Variants in CFAP58 observed in about 807,000 individuals in gnomAD.
CFAP58 encodes cilia and flagella associated protein 58.
In CFAP58, 88 loss-of-function variants were observed where a neutral mutation model predicts 119.5. The ratio of observed to expected loss-of-function variants is 0.74; its 90% CI spans 0.62 to 0.88. The LOEUF is 0.88. CFAP58 is among the 40% of genes least tolerant of loss of function. The probability of loss-of-function intolerance (pLI) is 0.00; values close to 1 mark genes in which losing one functional copy is unlikely to be tolerated. For missense variants in CFAP58, 990 were observed against 1,021.2 expected (o/e 0.97, Z 0.42); for synonymous variants, 365 against 366.3 (o/e 1.00, Z 0.04).
chr10:104,347,161 C>T, the CFAP58 span, among the ~76,000 whole-genome samples: 101 of 152,162 alleles, frequency 6.6e-4, 2 homozygotes, highest in South Asian at 0.018. Context: ...AGTTATGACA[C>T]TGCTGTCTCC....
chr10:104,400,680 G>T lies in CFAP58; in HGVS notation c.1816G>T (p.Val606Phe). Reference protein sequence around the residue: ...RLRQKKELDQVISERDILGSQ... With the variant: ...RLRQKKELDQFISERDILGSQ... Reference sequence around the variant, plus strand: ...ACTATGCCCCTCCCTACCTTCCTAGGTCATCAGTGAGAGAGATATCCTGGG... The same window carrying T: ...ACTATGCCCCTCCCTACCTTCCTAGTTCATCAGTGAGAGAGATATCCTGGG... The change falls in exon 13 of 18, where the codon GTC (valine) becomes TTC (phenylalanine). Residue 606 changes from valine to phenylalanine, a missense_variant and splice_region_variant. By Grantham distance (50) the Val-to-Phe change is conservative (BLOSUM62 -1). Transcript: ENST00000369704. 6.2e-7 allele frequency: 1 copy of T among 1,613,312 alleles called. No individual in the cohort carries two copies. Among genetic ancestry groups the T allele is most frequent in the Non-Finnish European group, 8.5e-7 (1 of 1,179,774 alleles).
At chr10:104,390,988 A>T (rs72825884) in intron 9 of CFAP58, among the ~76,000 whole-genome samples, 279 of 152,362 alleles carry the variant, frequency 1.8e-3, no homozygotes, top group South Asian at 5.4e-3. Context: ...AAAGGTGCTT[A>T]TTTAAATATA....
chr10:104,370,252 CTTATT>C (rs2014804552), intron 6 of CFAP58, among the ~76,000 whole-genome samples: 1 of 152,194 alleles, frequency 6.6e-6, no homozygotes, highest in Non-Finnish European at 1.5e-5. Context: ...GCATTCTTAT[CTTATT>C]TGATTCTACA....
chr10:104,375,957 G>C (rs1048417113), intron 7 of CFAP58, among the ~76,000 whole-genome samples: 3 of 152,128 alleles, frequency 2.0e-5, no homozygotes, highest in Non-Finnish European at 4.4e-5. Flanking sequence ...GCAGACTTCA[G>C]GGACAGCAGG....
intron 8 of CFAP58, among the ~76,000 whole-genome samples, chr10:104,379,561 T>C (rs1383642782): frequency 2.0e-5 from 3 of 152,216 alleles, no homozygotes; most frequent in Admixed American, 2.0e-4. Context: ...ATCTGCATTT[T>C]TATTAAGCTG....
In CFAP58 at chr10:104,364,945, T is replaced by G. The variant is rs2014722763; in HGVS notation, c.597+56T>G. ...TTTCCTTCCAGAGGATGTTTGTCCC[T>G]CCACAGTCTCTATTCCCATCTTGCT... On this transcript the variant is annotated intron_variant, in intron 4 of 17. Transcript: ENST00000369704. 3 of 1,558,042 alleles carry G rather than the reference T, an allele frequency of 1.9e-6. No homozygotes were observed. In the East Asian group the frequency reaches 6.8e-5, roughly 35 times the overall value.
At chr10:104,431,444 T>C (rs1174874305) in intron 15 of CFAP58, among the ~76,000 whole-genome samples, 1 of 152,208 alleles carries the variant, frequency 6.6e-6, no homozygotes, top group Non-Finnish European at 1.5e-5. Flanking sequence ...CTAAAAGTTC[T>C]AGAATAAACT....
intron 15 of CFAP58, among the ~76,000 whole-genome samples, chr10:104,446,829 AG>A (rs2013118285): frequency 1.3e-5 from 2 of 152,358 alleles, no homozygotes; most frequent in South Asian, 4.1e-4. Flanking sequence ...ATTAAACTCT[AG>A]GATTCAAATG....
Position 104,454,725 on chromosome 10 carries a change from A to G in CFAP58, c.*195A>G, listed in dbSNP as rs1180858562. 2 of 553,336 alleles carry G rather than the reference A, an allele frequency of 3.6e-6. No individual in the cohort carries two copies. The highest frequency in any genetic ancestry group is 3.2e-6 in the Non-Finnish European group (1 of 312,678). 34.3% of individuals were successfully genotyped at this position (553,336 alleles called of 1,614,324 possible). A position where few individuals can be genotyped will look rare whatever the true frequency, so the allele number is the denominator to read the frequency against. ...TGGTTCACGTTGATATTAACAGATC[A>G]TAATTCTCTCTGTTCAGTTAGGCTG... On this transcript the variant is annotated 3_prime_UTR_variant, in exon 18 of 18. Coordinates refer to ENST00000369704, the MANE Select transcript of CFAP58 (RefSeq NM_001008723.2).
intron 15 of CFAP58, among the ~76,000 whole-genome samples, chr10:104,413,052 C>T (rs921507650): frequency 1.3e-4 from 20 of 152,200 alleles, no homozygotes; most frequent in African/African-American, 3.4e-4. Flanking sequence ...CTATAAGCTT[C>T]GCAAAGGAGT....
the CFAP58 span, among the ~76,000 whole-genome samples, chr10:104,347,277 C>T: frequency 6.6e-6 from 1 of 152,052 alleles, no homozygotes; most frequent in Non-Finnish European, 1.5e-5. Flanking sequence ...TTCGGTGCCT[C>T]CTCAGGTGTC....
chr10:104,415,536 G>A (rs943494550), intron 15 of CFAP58, among the ~76,000 whole-genome samples: 1 of 152,172 alleles, frequency 6.6e-6, no homozygotes, highest in East Asian at 1.9e-4. Context: ...ACACCCATGC[G>A]CCTGAGGTGT....
At chr10:104,406,863 G>A (rs896819463) in intron 15 of CFAP58, 70 bp downstream of exon 15, 1 of 1,215,432 alleles carries the variant, frequency 8.2e-7, no homozygotes, top group African/African-American at 1.5e-5. Context: ...TACGTTCTTA[G>A]AATTAGTTAT....
intron 15 of CFAP58, among the ~76,000 whole-genome samples, chr10:104,420,153 C>G (rs1365484492): frequency 6.8e-6 from 1 of 147,806 alleles, no homozygotes; most frequent in Admixed American, 6.8e-5. Context: ...CGATTGTGTT[C>G]AGCTTCATTA....
intron 7 of CFAP58, among the ~76,000 whole-genome samples, chr10:104,371,589 A>C (rs1193461444): frequency 6.6e-6 from 1 of 152,162 alleles, no homozygotes; most frequent in Admixed American, 6.5e-5. Context: ...GGTACAGAGA[A>C]ATCAGTAAGG....
chr10:104,418,655 C>T (rs1436694249), intron 15 of CFAP58, among the ~76,000 whole-genome samples: 1 of 152,206 alleles, frequency 6.6e-6, no homozygotes, highest in Admixed American at 6.5e-5. Context: ...CATTCCATTA[C>T]CATGACTTCT....
intron 11 of CFAP58, among the ~76,000 whole-genome samples, chr10:104,399,106 T>C (rs915540820): frequency 2.6e-5 from 4 of 152,088 alleles, no homozygotes; most frequent in African/African-American, 9.7e-5. Context: ...AGAAAAATGA[T>C]AGAAATCCCT....
intron 17 of CFAP58, among the ~76,000 whole-genome samples, 165 bp from the exon 18 acceptor site, chr10:104,454,257 G>GT (rs943338059): frequency 8.5e-5 from 13 of 152,120 alleles, no homozygotes; most frequent in Admixed American, 2.0e-4. Flanking sequence ...CTAATTTTAT[G>GT]TTTTTTTCAG....
chr10:104,388,159 A>G (rs1257551130), intron 9 of CFAP58, among the ~76,000 whole-genome samples: 2 of 152,214 alleles, frequency 1.3e-5, no homozygotes, highest in Non-Finnish European at 2.9e-5. Context: ...AGCTTTTTCT[A>G]TCATAATAAA....
Sources: gnomAD v4.1 joint callset for allele counts (sites outside exome capture counted in the v4.1 genomes callset) on GRCh38, gnomAD v4.1.1 for gene constraint, MANE v1.5 for transcripts, NCBI Gene and HGNC (gene_info 2026-07-23, HGNC 2026-07-21) for gene names.